Variants in GIPR observed in about 807,000 individuals in gnomAD.
GIPR encodes gastric inhibitory polypeptide receptor, also known as GIP-R.
GIPR carries 74 observed loss-of-function variants against 62.2 expected under a neutral mutation model. That is an observed-to-expected ratio of 1.19 (90% CI 0.99 to 1.44). The LOEUF (loss-of-function observed/expected upper bound fraction) is 1.44, where lower values mean the gene tolerates loss of function less well. Ranked by LOEUF, GIPR falls within the 40% of genes most tolerant of loss-of-function variation. GIPR has a pLI of 0.00. For missense variants in GIPR, 664 were observed against 611.8 expected (o/e 1.09, Z -0.90); for synonymous variants, 256 against 262.2 (o/e 0.98, Z 0.23).
intron 8 of GIPR, 43 bp from the exon 9 acceptor site, chr19:45,677,255 CCTGGCGGGGCCCGTGAGCGCGCTGA>C: frequency 7.2e-7 from 1 of 1,389,778 alleles, no homozygotes; most frequent in South Asian, 1.2e-5. Context: ...GGGTCTTGGG[CCTGGCGGGGCCCGTGAGCGCGCTGA>C]CAGCTGCGGC....
intron 7 of GIPR, among the ~76,000 whole-genome samples, chr19:45,676,201 TAAAAAA>T (rs34622373): frequency 1.7e-5 from 2 of 114,564 alleles, no homozygotes; most frequent in South Asian, 2.8e-4. Flanking sequence ...AGGCTCCGTC[TAAAAAA>T]AAAAAAAAAA....
In GIPR at chr19:45,669,517, C is replaced by G; in HGVS notation, c.-4C>G. 1 of 1,572,884 alleles carries G rather than the reference C, an allele frequency of 6.4e-7. No individual in the cohort carries two copies. The highest frequency in any genetic ancestry group is 8.6e-7 in the Non-Finnish European group (1 of 1,162,240). ...CACGAACCAGACCCTTCGCCGCCCT[C>G]ACGATGACTACCTCTCCGATCCTGC... is the stretch of plus-strand genomic sequence containing the variant. On this transcript the variant is annotated 5_prime_UTR_variant, in exon 2 of 14. Transcript: ENST00000590918.
At chr19:45,680,797 C>T (rs1195847683) in intron 12 of GIPR, among the ~76,000 whole-genome samples, 8 of 146,696 alleles carry the variant, frequency 5.5e-5, no homozygotes, top group Non-Finnish European at 1.2e-4. Flanking sequence ...TGCCACTGCA[C>T]TCCAGCCTGG....
Position 45,669,562 on chromosome 19 carries a change from A to G in GIPR, c.42A>G (p.Ser14=). 6.3e-7 allele frequency: 1 copy of G among 1,581,810 alleles called. No individual in the cohort carries two copies. The highest frequency in any genetic ancestry group is 1.3e-5 in the African/African-American group (1 of 74,652). ...TCCTGCAGCTGCTGCTGCGGCTCTC[A>G]CTGTGCGGGCTGCTGCTCCAGAGGG... ...SPILQLLLRL[S]LCGLLLQRAE... is the part of the protein sequence containing the mutation. The change falls in exon 2 of 14, where the codon TCA becomes TCG. Residue 14 remains serine (S), a synonymous_variant. Coordinates refer to ENST00000590918, the MANE Select transcript of GIPR (RefSeq NM_000164.4).
At chr19:45,676,426 A>ATT (rs869190523) in intron 7 of GIPR, among the ~76,000 whole-genome samples, 3,348 of 73,714 alleles carry the variant, frequency 0.045, 333 homozygotes, top group East Asian at 0.086. Context: ...AAAGAAGCTG[A>ATT]TTTTTTTTTT....
In GIPR at chr19:45,674,677, C is replaced by T; in HGVS notation, c.489-5C>T. 1 of 1,613,904 alleles carries T rather than the reference C, an allele frequency of 6.2e-7. No homozygotes were observed. Among genetic ancestry groups the T allele is most frequent in the Non-Finnish European group, 8.5e-7 (1 of 1,179,930 alleles). On this transcript the variant is annotated splice_polypyrimidine_tract_variant and splice_region_variant and intron_variant, in intron 6 of 13. Transcript: ENST00000590918. ...GCCCCCACACTGCCTTCCAAATTCC[C>T]CTAGGCGGCTACATTGCACTAGAAA...
chr19:45,677,169 C>G, intron 8 of GIPR, 61 bp downstream of exon 8: 2 of 1,562,272 alleles, frequency 1.3e-6, no homozygotes, highest in Non-Finnish European at 1.8e-6. Flanking sequence ...CCCCCAACTG[C>G]CCTGCTGGTT....
chr19:45,678,268 G>C (rs1180037710), intron 12 of GIPR, 42 bp downstream of exon 12: 1 of 1,541,776 alleles, frequency 6.5e-7, no homozygotes, highest in Admixed American at 2.0e-5. Context: ...TCCACCCAGG[G>C]CCTCCTCCCC....
chr19:45,682,182 A>G lies in GIPR; in HGVS notation c.*247A>G. The stretch of plus-strand genomic sequence containing the variant: ...CTAGGGTGGTCTGGGAGGCGTCTCC[A>G]AGGAGGTGACACTTAAGCCATCCCC... On this transcript the variant is annotated 3_prime_UTR_variant, in exon 14 of 14. Coordinates refer to ENST00000590918, the MANE Select transcript of GIPR (RefSeq NM_000164.4). 2 of 536,598 alleles carry G rather than the reference A, an allele frequency of 3.7e-6. No individual in the cohort carries two copies. Among genetic ancestry groups the G allele is most frequent in the South Asian group, 4.6e-5 (2 of 43,906 alleles). The allele number at this position is 536,598 out of a possible 1,614,324, so 33.2% of individuals were successfully genotyped here.
intron 7 of GIPR, 172 bp downstream of exon 7, chr19:45,674,998 C>T (rs759236044): frequency 5.9e-6 from 4 of 681,584 alleles, no homozygotes; most frequent in Admixed American, 4.9e-5. Context: ...GGAGAGGGAA[C>T]CTCCCAACTC....
intron 6 of GIPR, chr19:45,674,386 T>TCGCTTGAGCC: frequency 1.5e-6 from 1 of 659,226 alleles, no homozygotes; most frequent in Non-Finnish European, 2.8e-6. Flanking sequence ...GGCAGGAGGA[T>TCGCTTGAGCC]CGCTTGAGCC....
intron 11 of GIPR, 40 bp from the exon 12 acceptor site, chr19:45,678,048 C>T: frequency 6.2e-7 from 1 of 1,611,774 alleles, no homozygotes; most frequent in Non-Finnish European, 8.5e-7. Flanking sequence ...AGATGGGGAA[C>T]CAGGGCTGCG....
In GIPR at chr19:45,669,504, C is replaced by T; in HGVS notation, c.-17C>T. 1 of 1,566,480 alleles carries T rather than the reference C, an allele frequency of 6.4e-7. No individual in the cohort carries two copies. The highest frequency in any genetic ancestry group is 2.3e-5 in the East Asian group (1 of 43,058). ...CTGATCGCCCCTGCACGAACCAGAC[C>T]CTTCGCCGCCCTCACGATGACTACC... On this transcript the variant is annotated 5_prime_UTR_variant, in exon 2 of 14. Transcript: ENST00000590918.
rs554396830 is a variant in GIPR, at chr19:45,682,154, G to A, written c.*219G>A. ...TGGTTATGAAGGGAAGCGAGAAGGG[G>A]GCCTAGGGTGGTCTGGGAGGCGTCT... On this transcript the variant is annotated 3_prime_UTR_variant, in exon 14 of 14. Transcript: ENST00000590918. The A allele has an allele frequency of 3.5e-6, 2 of 572,880 alleles. No homozygotes were observed. Among genetic ancestry groups the A allele is most frequent in the Non-Finnish European group, 6.2e-6 (2 of 324,412 alleles). 35.5% of individuals were successfully genotyped at this position (572,880 alleles called of 1,614,324 possible). A position where few individuals can be genotyped will look rare whatever the true frequency, so the allele number is the denominator to read the frequency against.
intron 7 of GIPR, among the ~76,000 whole-genome samples, chr19:45,675,571 T>C (rs1300605692): frequency 3.0e-5 from 2 of 66,990 alleles, no homozygotes; most frequent in Admixed American, 2.8e-4. Flanking sequence ...CAAGACTCCA[T>C]CGCAAAAAAA....
In GIPR at chr19:45,669,605, G is replaced by A. The variant is rs1157483532; in HGVS notation, c.72+13G>A. The A allele has an allele frequency of 1.3e-6, 2 of 1,569,094 alleles. No homozygotes were observed. The highest frequency in any genetic ancestry group is 2.3e-5 in the South Asian group (2 of 86,038). On this transcript the variant is annotated intron_variant, in intron 2 of 13. Transcript: ENST00000590918. ...CCAGAGGGCGGAGGTGAGGAAGCGA[G>A]GAGCCAGAGGAGCTCCAGGCTTGGA...
At position 45,669,508 on chromosome 19, in the gene GIPR, C is replaced by A. The variant is rs772850090; in HGVS notation, c.-13C>A. The stretch of plus-strand genomic sequence containing the variant: ...TCGCCCCTGCACGAACCAGACCCTT[C>A]GCCGCCCTCACGATGACTACCTCTC... On this transcript the variant is annotated 5_prime_UTR_variant, in exon 2 of 14. Coordinates refer to ENST00000590918, the MANE Select transcript of GIPR (RefSeq NM_000164.4). 1.3e-6 allele frequency: 2 copies of A among 1,567,938 alleles called. No homozygotes were observed. The highest frequency in any genetic ancestry group is 1.7e-6 in the Non-Finnish European group (2 of 1,159,656).
At position 45,677,380 on chromosome 19, in the gene GIPR, C is replaced by G; in HGVS notation, c.851C>G (p.Thr284Arg). The G allele has an allele frequency of 1.3e-6, 2 of 1,574,146 alleles. No individual in the cohort carries two copies. The highest frequency in any genetic ancestry group is 2.2e-5 in the South Asian group (2 of 89,776). Residue 284 changes from threonine (T) to arginine (R), a missense_variant, in exon 9 of 14, where the codon ACG (threonine) becomes AGG (arginine). Transcript: ENST00000590918. ...ATCGTCAGGTACCTGTACGAGAACACGCAGTGAGTTGCAGGGTCTGGGGCG... is the reference window on the plus strand; with the variant it reads ...ATCGTCAGGTACCTGTACGAGAACAGGCAGTGAGTTGCAGGGTCTGGGGCG... ...WVIVRYLYEN[T>R]QCWERNEVKA... is the part of the protein sequence containing the mutation.
intron 3 of GIPR, 86 bp from the exon 4 acceptor site, chr19:45,671,199 G>GAGAAGCACTTGGCCCACTGCGC: frequency 2.4e-6 from 2 of 823,276 alleles, no homozygotes; most frequent in African/African-American, 1.7e-5. Flanking sequence ...GCCCACTGCG[G>GAGAAGCACTTGGCCCACTGCGC]AGAAGCACTT....
Sources: allele counts gnomAD v4.1 joint callset (sites outside exome capture counted in the v4.1 genomes callset), GRCh38; gene constraint gnomAD v4.1.1; transcripts MANE v1.5; gene names NCBI Gene and HGNC (gene_info 2026-07-23, HGNC 2026-07-21).